The following SOX5 variants were observed in gnomAD, a reference collection of about 807,000 sequenced individuals.
SOX5 encodes the protein transcription factor SOX-5.
In SOX5, 9 loss-of-function variants were observed where a neutral mutation model predicts 92.0. The observed-to-expected ratio is 0.10, with a 90% CI of 0.06 to 0.17. The LOEUF is 0.17. Ranked by LOEUF, SOX5 falls within the 10% of genes least tolerant of loss-of-function variation. The probability of loss-of-function intolerance (pLI) is 1.00; values close to 1 mark genes in which losing one functional copy is unlikely to be tolerated. For missense variants in SOX5, 642 were observed against 944.5 expected, an observed-to-expected ratio of 0.68 and a Z score of 4.20; for synonymous variants, 344 against 336.3, an observed-to-expected ratio of 1.02 and a Z score of -0.25.
chr12:23,619,517 C>A (rs918882169), intron 8 of SOX5, among the ~76,000 whole-genome samples: 2 of 152,122 alleles, frequency 1.3e-5, no homozygotes, highest in Admixed American at 6.6e-5. Flanking sequence ...AACTCTTAGC[C>A]TATGTCTTAG....
At chr12:24,063,330 T>C (rs1176333638) in intron 4 of SOX5, among the ~76,000 whole-genome samples, 1 of 152,184 alleles carries the variant, frequency 6.6e-6, no homozygotes, top group Non-Finnish European at 1.5e-5. Flanking sequence ...CAAATGTTTA[T>C]TGAATGAATG....
chr12:24,476,183 A>G (rs897968592), intron 1 of SOX5, among the ~76,000 whole-genome samples: 6 of 152,214 alleles, frequency 3.9e-5, no homozygotes, highest in African/African-American at 1.2e-4. Context: ...ACTAAGAAAT[A>G]GAAACATTTA....
intron 3 of SOX5, among the ~76,000 whole-genome samples, chr12:23,805,893 A>G (rs1416660696): frequency 6.6e-6 from 1 of 152,202 alleles, no homozygotes; most frequent in Non-Finnish European, 1.5e-5. Context: ...TATGTGCCCA[A>G]TTAGACAAAG....
intron 1 of SOX5, among the ~76,000 whole-genome samples, chr12:23,907,329 C>CT (rs764387502): frequency 6.6e-6 from 1 of 151,854 alleles, no homozygotes; most frequent in East Asian, 1.9e-4. Context: ...AATATTCTTT[C>CT]TTTTTTTTAT....
intron 3 of SOX5, among the ~76,000 whole-genome samples, chr12:24,234,048 C>T (rs891882404): frequency 7.9e-5 from 12 of 152,176 alleles, no homozygotes; most frequent in East Asian, 1.9e-4. Context: ...ACACGGAATC[C>T]GAGGCCAACT....
chr12:23,769,878 G>T (rs2094867338), intron 3 of SOX5, among the ~76,000 whole-genome samples: 1 of 152,180 alleles, frequency 6.6e-6, no homozygotes, highest in African/African-American at 2.4e-5. Context: ...AATACATTAA[G>T]CTTGATTATA....
chr12:24,476,865 A>G (rs113922362), intron 1 of SOX5, among the ~76,000 whole-genome samples: 1 of 152,178 alleles, frequency 6.6e-6, no homozygotes, highest in Non-Finnish European at 1.5e-5. Context: ...TCAGTGATTT[A>G]TAAGAATGAG....
chr12:24,068,737 TATATATATATAC>T (rs1297296598), intron 4 of SOX5, among the ~76,000 whole-genome samples: 954 of 83,912 alleles, frequency 0.011, 9 homozygotes, highest in African/African-American at 0.026. Context: ...TATATATATA[TATATATATATAC>T]ACACACACAC....
At chr12:23,574,367 A>C (rs7298932) in intron 10 of SOX5, among the ~76,000 whole-genome samples, 1 of 152,070 alleles carries the variant, frequency 6.6e-6, no homozygotes, top group South Asian at 2.1e-4. Flanking sequence ...TTCAACACAT[A>C]TTACATTTTT....
chr12:24,043,997 A>T (rs961683290), intron 4 of SOX5, among the ~76,000 whole-genome samples: 1 of 152,210 alleles, frequency 6.6e-6, no homozygotes, highest in African/African-American at 2.4e-5. Context: ...TGCTAAACAC[A>T]TACAGGAAGA....
At chr12:24,157,251 C>A (rs1157769833) in intron 4 of SOX5, among the ~76,000 whole-genome samples, 2 of 151,910 alleles carry the variant, frequency 1.3e-5, no homozygotes, top group Non-Finnish European at 2.9e-5. Context: ...AATATAAATC[C>A]AAAACATTAA....
chr12:24,160,394 G>A (rs1027398416), intron 4 of SOX5, among the ~76,000 whole-genome samples: 7 of 151,924 alleles, frequency 4.6e-5, no homozygotes, highest in African/African-American at 9.7e-5. Flanking sequence ...GATAGGGGAG[G>A]TTGGAGAAGC....
intron 1 of SOX5, among the ~76,000 whole-genome samples, chr12:24,511,115 A>G (rs528056806): frequency 1.1e-4 from 16 of 152,316 alleles, no homozygotes; most frequent in Admixed American, 7.2e-4. Context: ...ATAAATTACT[A>G]TAACTACTTT....
intron 12 of SOX5, among the ~76,000 whole-genome samples, chr12:23,543,721 T>C (rs1228209203): frequency 6.6e-6 from 1 of 152,222 alleles, no homozygotes; most frequent in Non-Finnish European, 1.5e-5. Flanking sequence ...TCAACAGGCA[T>C]ACCAGTAGTG....
In SOX5 at chr12:24,163,179, T is replaced by C. The variant is rs1016175599; in HGVS notation, c.-2+50164A>G. ...AATATGAAGGAATAAACTCAAATCA[T>C]AGCATAATTCAGTTAATGACACAAT... On this transcript the variant is annotated intron_variant, in intron 4 of 4. Transcript: ENST00000446891. 5.3e-5 allele frequency among the ~76,000 whole-genome samples: 8 copies of C among 152,122 alleles called. 1 individual carries two copies. Among genetic ancestry groups the C allele is most frequent in the Admixed American group, 3.9e-4 (6 of 15,264 alleles).
At chr12:24,538,040 T>G (rs1951791375) in intron 1 of SOX5, among the ~76,000 whole-genome samples, 1 of 152,160 alleles carries the variant, frequency 6.6e-6, no homozygotes, top group Non-Finnish European at 1.5e-5. Context: ...CCTACCATCC[T>G]CCGATGGAAC....
At chr12:23,833,798 C>T (rs2096370002) in intron 3 of SOX5, among the ~76,000 whole-genome samples, 1 of 151,476 alleles carries the variant, frequency 6.6e-6, no homozygotes. Flanking sequence ...ATAAATGAGT[C>T]AAATAGGGAA....
At chr12:24,458,896 G>A (rs907930056) in intron 1 of SOX5, among the ~76,000 whole-genome samples, 1 of 152,124 alleles carries the variant, frequency 6.6e-6, no homozygotes, top group Non-Finnish European at 1.5e-5. Flanking sequence ...ACTTGTGTAG[G>A]TAAGTACAAT....
intron 4 of SOX5, among the ~76,000 whole-genome samples, chr12:23,984,510 A>G (rs1949881056): frequency 1.3e-5 from 2 of 152,196 alleles, no homozygotes; most frequent in Admixed American, 1.3e-4. Context: ...TCACAATTCT[A>G]TAAAAGAGAA....
Sources: gnomAD v4.1 joint callset for allele counts (sites outside exome capture counted in the v4.1 genomes callset) on GRCh38, gnomAD v4.1.1 for gene constraint, MANE v1.5 for transcripts, NCBI Gene and HGNC (gene_info 2026-07-23, HGNC 2026-07-21) for gene names.